The following LNPK variants were observed in gnomAD, a reference collection of about 807,000 sequenced individuals.
The protein encoded by LNPK is endoplasmic reticulum junction formation protein lunapark.
Under a neutral mutation model 55.2 loss-of-function variants are expected in LNPK, and 29 were observed. That is an observed-to-expected ratio of 0.53 (90% CI 0.39 to 0.72). The LOEUF is 0.72. Among genes scored for constraint, LNPK ranks in the 30% least tolerant of loss-of-function variants. The probability of loss-of-function intolerance (pLI) is 0.00; values close to 1 mark genes in which losing one functional copy is unlikely to be tolerated. For synonymous variants in LNPK, 162 were observed against 168.2 expected (o/e 0.96, Z 0.29); for missense variants, 467 against 494.8 (o/e 0.94, Z 0.53).
chr2:175,929,606 ACTTACT>A lies in LNPK; in HGVS notation c.*355_*360del, dbSNP rs1322219870. On this transcript the variant is annotated 3_prime_UTR_variant, in exon 13 of 13. Coordinates refer to ENST00000272748, the MANE Select transcript of LNPK (RefSeq NM_030650.3). The stretch of plus-strand genomic sequence containing the variant: ...TCCTTAAAACAAACACAATTAGAGA[ACTTACT>A]CTTAACCAAAGTTCTTCCTATGTCA... 9.8e-7 allele frequency: 1 copy of A among 1,020,040 alleles called. No homozygotes were observed. Among genetic ancestry groups the A allele is most frequent in the African/African-American group, 1.7e-5 (1 of 58,324 alleles). The allele number at this position is 1,020,040 out of a possible 1,614,324, so 63.2% of individuals were successfully genotyped here. A position where few individuals can be genotyped will look rare whatever the true frequency, so the allele number is the denominator to read the frequency against.
chr2:175,965,133 T>C (rs1373603687), intron 6 of LNPK, among the ~76,000 whole-genome samples: 3 of 152,316 alleles, frequency 2.0e-5, no homozygotes, highest in Non-Finnish European at 2.9e-5. Flanking sequence ...TTTGCTCAAA[T>C]GACTTTAAAA....
chr2:175,988,438 G>A (rs1266773580), intron 4 of LNPK, among the ~76,000 whole-genome samples: 2 of 151,152 alleles, frequency 1.3e-5, no homozygotes, highest in Non-Finnish European at 2.9e-5. Flanking sequence ...CTTGAGCCTG[G>A]GAGGCAGAGG....
chr2:176,000,428 C>T (rs1688118032), intron 1 of LNPK, among the ~76,000 whole-genome samples: 1 of 152,166 alleles, frequency 6.6e-6, no homozygotes, highest in Non-Finnish European at 1.5e-5. Context: ...TAATTGTAGC[C>T]ATTATTATTA....
chr2:175,949,943 A>G (rs985640997), intron 8 of LNPK, among the ~76,000 whole-genome samples: 4 of 152,106 alleles, frequency 2.6e-5, no homozygotes, highest in Non-Finnish European at 5.9e-5. Flanking sequence ...CTTGTGATTC[A>G]TAAAGTTTTG....
chr2:175,970,832 TA>T, intron 5 of LNPK, 28 bp from the exon 6 acceptor site: 1 of 1,398,902 alleles, frequency 7.1e-7, no homozygotes, highest in African/African-American at 1.5e-5. Flanking sequence ...AATCAAAGAT[TA>T]AGATATTTAG....
intron 8 of LNPK, among the ~76,000 whole-genome samples, chr2:175,961,769 T>G (rs192121533): frequency 8.1e-4 from 123 of 152,184 alleles, no homozygotes; most frequent in African/African-American, 2.4e-3. Context: ...AATTGTCCCT[T>G]TTTGCAGATG....
In LNPK at chr2:175,971,834, C is replaced by A. The variant is rs1686676815; in HGVS notation, c.317-1030G>T. Reference sequence around the variant, plus strand: ...GATAAGACCAAGCCAAACATCTGTACTTTAATCCAAGGGTTAGCAAACTTA... The same window carrying A: ...GATAAGACCAAGCCAAACATCTGTAATTTAATCCAAGGGTTAGCAAACTTA... On this transcript the variant is annotated intron_variant, in intron 5 of 12. Transcript: ENST00000272748. Among the ~76,000 whole-genome samples, 6 of 152,264 alleles carry A rather than the reference C, an allele frequency of 3.9e-5. No homozygotes were observed. In the South Asian group the frequency reaches 1.2e-3, roughly 32 times the overall value.
chr2:175,996,899 T>A (rs1687959011), intron 1 of LNPK, among the ~76,000 whole-genome samples: 1 of 152,224 alleles, frequency 6.6e-6, no homozygotes, highest in Non-Finnish European at 1.5e-5. Context: ...AAAAGTATAA[T>A]TTCAAACTGA....
At chr2:175,995,396 T>A (rs1687884325) in intron 2 of LNPK, among the ~76,000 whole-genome samples, 162 bp downstream of exon 2, 1 of 151,940 alleles carries the variant, frequency 6.6e-6, no homozygotes, top group South Asian at 2.1e-4. Context: ...AATGGAAGTA[T>A]TAAAATAAAA....
intron 1 of LNPK, among the ~76,000 whole-genome samples, chr2:175,998,612 A>AG (rs1688049213): frequency 6.6e-6 from 1 of 152,244 alleles, no homozygotes; most frequent in African/African-American, 2.4e-5. Context: ...TGTAAAATAT[A>AG]TGAAACCACC....
chr2:175,945,314 G>C (rs1054789704), intron 9 of LNPK, among the ~76,000 whole-genome samples: 1 of 150,670 alleles, frequency 6.6e-6, no homozygotes. Context: ...GTCTGAGAAC[G>C]GCCTGGCCAA....
chr2:175,925,105 ATATTT>A lies in LNPK; in HGVS notation c.*4857_*4861del, dbSNP rs1435834452. The A allele has an allele frequency of 6.6e-6, 1 of 152,178 alleles. No homozygotes were observed. The highest frequency in any genetic ancestry group is 1.5e-5 in the Non-Finnish European group (1 of 68,042). The allele number at this position is 152,178 out of a possible 1,614,324, so 9.4% of individuals were successfully genotyped here. A position where few individuals can be genotyped will look rare whatever the true frequency, so the allele number is the denominator to read the frequency against. ...AGGATTTTCGGAAACTCAGCATACT[ATATTT>A]TATGAAAATCATCATATAATCAGAA... On this transcript the variant is annotated 3_prime_UTR_variant, in exon 13 of 13. Coordinates refer to ENST00000272748, the MANE Select transcript of LNPK (RefSeq NM_030650.3).
intron 8 of LNPK, among the ~76,000 whole-genome samples, chr2:175,956,554 A>C (rs912995437): frequency 1.3e-5 from 2 of 152,180 alleles, no homozygotes; most frequent in Admixed American, 1.3e-4. Context: ...GGCTTTGCAG[A>C]CCACATAAGC....
intron 8 of LNPK, among the ~76,000 whole-genome samples, chr2:175,956,606 G>A (rs936946096): frequency 1.7e-4 from 26 of 152,130 alleles, no homozygotes; most frequent in African/African-American, 6.0e-4. Flanking sequence ...AAAATGCTTT[G>A]AAAATGTGAA....
At chr2:175,973,643 C>T (rs2105662088) in intron 5 of LNPK, among the ~76,000 whole-genome samples, 1 of 152,270 alleles carries the variant, frequency 6.6e-6, no homozygotes, top group South Asian at 2.1e-4. Flanking sequence ...AATATTCTCA[C>T]CTAAAGTTGT....
chr2:175,993,336 C>G, intron 2 of LNPK, 113 bp from the exon 3 acceptor site: 1 of 527,308 alleles, frequency 1.9e-6, no homozygotes, highest in Non-Finnish European at 3.2e-6. Flanking sequence ...CAAATCTTGT[C>G]AAATATGCAT....
At chr2:175,938,439 CAG>C in intron 10 of LNPK, 56 bp from the exon 11 acceptor site, 1 of 942,966 alleles carries the variant, frequency 1.1e-6, no homozygotes, top group South Asian at 1.8e-5. Flanking sequence ...AAGCTCATGA[CAG>C]AGACTAATTT....
chr2:175,997,502 T>C (rs1687982829), intron 1 of LNPK, among the ~76,000 whole-genome samples: 1 of 152,188 alleles, frequency 6.6e-6, no homozygotes, highest in Non-Finnish European at 1.5e-5. Context: ...CTGGAACTAG[T>C]GTATGGTGTC....
At chr2:175,940,983 C>T (rs1269838324) in intron 9 of LNPK, 4 of 454,720 alleles carry the variant, frequency 8.8e-6, no homozygotes, top group African/African-American at 8.0e-5. Context: ...CGCAGTAGCT[C>T]ATGCCTGTAA....
Sources: gnomAD v4.1 joint callset for allele counts (sites outside exome capture counted in the v4.1 genomes callset) on GRCh38, gnomAD v4.1.1 for gene constraint, MANE v1.5 for transcripts, NCBI Gene and HGNC (gene_info 2026-07-23, HGNC 2026-07-21) for gene names.